The following TNS1 variants were observed in gnomAD, a reference collection of about 807,000 sequenced individuals.
The protein encoded by TNS1 is tensin 1, also known as tensin-1.
TNS1 carries 62 observed loss-of-function variants against 168.6 expected under a neutral mutation model. The observed-to-expected ratio is 0.37, with a 90% CI of 0.30 to 0.45. The LOEUF (loss-of-function observed/expected upper bound fraction) is 0.45. TNS1 is among the 20% of genes least tolerant of loss of function. The pLI, the probability that TNS1 is intolerant of heterozygous loss-of-function variation, is 1.00. For synonymous variants in TNS1, 934 were observed against 933.2 expected, an observed-to-expected ratio of 1.00 and a Z score of -0.02; for missense variants, 2,240 against 2,339.4, an observed-to-expected ratio of 0.96 and a Z score of 0.88.
intron 15 of TNS1, 128 bp downstream of exon 15, chr2:217,885,616 A>T: frequency 1.1e-6 from 1 of 889,618 alleles, no homozygotes; most frequent in Non-Finnish European, 1.8e-6. Flanking sequence ...GAGCCCTGAG[A>T]GCCTATGGTT....
intron 24 of TNS1, 36 bp from the exon 25 acceptor site, chr2:217,815,034 A>G (rs1269453871): frequency 1.9e-6 from 3 of 1,561,866 alleles, no homozygotes; most frequent in African/African-American, 2.7e-5. Flanking sequence ...GTTATGGGTT[A>G]AATTGTGTTC....
chr2:217,878,160 C>T (rs1179119667), intron 18 of TNS1, among the ~76,000 whole-genome samples: 3 of 152,220 alleles, frequency 2.0e-5, no homozygotes, highest in Non-Finnish European at 4.4e-5. Flanking sequence ...TCTTGCTGAA[C>T]GCCTGCCTCA....
chr2:217,967,269 C>A (rs1033358660), intron 3 of TNS1, among the ~76,000 whole-genome samples: 118 of 152,034 alleles, frequency 7.8e-4, no homozygotes, highest in African/African-American at 2.8e-3. Context: ...TGCAGTGAGC[C>A]GAGATCAAGC....
intron 1 of TNS1, among the ~76,000 whole-genome samples, chr2:217,993,837 A>C (rs557428349): frequency 3.9e-5 from 6 of 152,296 alleles, no homozygotes; most frequent in African/African-American, 1.4e-4. Flanking sequence ...AAAGTATTTA[A>C]CGGTGGTGGG....
intron 9 of TNS1, among the ~76,000 whole-genome samples, chr2:217,894,463 G>C (rs1952060925): frequency 6.6e-6 from 1 of 152,120 alleles, no homozygotes; most frequent in Admixed American, 6.5e-5. Context: ...TTGAAACCAG[G>C]CTGGCCAACA....
chr2:217,947,167 C>T (rs1349422376), intron 3 of TNS1, among the ~76,000 whole-genome samples: 1 of 151,938 alleles, frequency 6.6e-6, no homozygotes, highest in East Asian at 1.9e-4. Flanking sequence ...ACCTCCCTCC[C>T]TCCCACCCCA....
At chr2:217,892,263 G>A (rs1436506740) in intron 11 of TNS1, among the ~76,000 whole-genome samples, 1 of 151,996 alleles carries the variant, frequency 6.6e-6, no homozygotes, top group Non-Finnish European at 1.5e-5. Context: ...CACCATGCCT[G>A]GCTAATTTTT....
At chr2:217,842,260 C>T (rs1387302635) in intron 19 of TNS1, 6 of 579,012 alleles carry the variant, frequency 1.0e-5, no homozygotes, top group Non-Finnish European at 1.5e-5. Flanking sequence ...CCAGCCTCTT[C>T]TCCTTAAACT....
chr2:218,028,057 C>T (rs1194284835), intron 1 of TNS1, among the ~76,000 whole-genome samples: 3 of 152,230 alleles, frequency 2.0e-5, no homozygotes, highest in African/African-American at 7.2e-5. Context: ...GCCTGGAGGA[C>T]ACCGCTTTCC....
chr2:217,966,680 C>T (rs542133752), intron 3 of TNS1, among the ~76,000 whole-genome samples: 4 of 152,286 alleles, frequency 2.6e-5, no homozygotes, highest in East Asian at 1.9e-4. Context: ...GCTCACCAAG[C>T]GATGCTGAGG....
chr2:217,892,271 T>G (rs1951819019), intron 11 of TNS1, among the ~76,000 whole-genome samples: 1 of 152,004 alleles, frequency 6.6e-6, no homozygotes, highest in African/African-American at 2.4e-5. Flanking sequence ...CTGGCTAATT[T>G]TTGTATTTTT....
upstream of TNS1, chr2:218,010,494 T>G: frequency 3.6e-6 from 1 of 277,586 alleles, no homozygotes; most frequent in Non-Finnish European, 6.7e-6. Context: ...CTCCGCGGCT[T>G]TCTCCTCCCC....
At chr2:217,891,187 C>G in intron 11 of TNS1, 142 bp from the exon 12 acceptor site, 1 of 728,842 alleles carries the variant, frequency 1.4e-6, no homozygotes, top group Non-Finnish European at 2.3e-6. Flanking sequence ...GCCTCTTCCC[C>G]CTGCCATCCT....
intron 1 of TNS1, among the ~76,000 whole-genome samples, chr2:217,993,950 GCAGA>G (rs1164294445): frequency 6.6e-6 from 1 of 152,224 alleles, no homozygotes; most frequent in African/African-American, 2.4e-5. Flanking sequence ...AAAGAGAGAA[GCAGA>G]CAGAGACGTC....
At chr2:217,977,739 A>G (rs1957931903) in intron 3 of TNS1, among the ~76,000 whole-genome samples, 1 of 152,224 alleles carries the variant, frequency 6.6e-6, no homozygotes, top group Non-Finnish European at 1.5e-5. Context: ...CACCCAGCTA[A>G]TAAGAAGCAA....
rs566630517 is a variant in TNS1 at position 217,806,226 on chromosome 2, C to T, written c.5376-1623G>A. Among the ~76,000 whole-genome samples, 3 of 152,376 alleles carry T rather than the reference C, an allele frequency of 2.0e-5. No homozygotes were observed. The South Asian group carries it at 6.2e-4, about 32-fold the overall frequency. On this transcript the variant is annotated intron_variant, in intron 32 of 32. Transcript: ENST00000682258. ...GTGGCTTCCAGGCTCCCGCAATAGC[C>T]CAGTCCTGTCATCTGCCACAAGGAA...
intron 1 of TNS1, among the ~76,000 whole-genome samples, chr2:217,997,335 T>C (rs1958489548): frequency 6.6e-6 from 1 of 152,168 alleles, no homozygotes; most frequent in African/African-American, 2.4e-5. Flanking sequence ...GCCGGGGCAT[T>C]GTTTTCGTTT....
chr2:217,907,396 G>C (rs1953839612), intron 4 of TNS1, 145 bp from the exon 5 acceptor site: 1 of 634,766 alleles, frequency 1.6e-6, no homozygotes. Context: ...GCATAATCTG[G>C]CTGGCCCCAA....
chr2:217,863,584 A>G (rs1948993974), intron 18 of TNS1, among the ~76,000 whole-genome samples: 1 of 152,104 alleles, frequency 6.6e-6, no homozygotes, highest in Non-Finnish European at 1.5e-5. Context: ...ACTAAGACTC[A>G]AGAGTCTTGG....
Sources: gnomAD v4.1 joint callset for allele counts (sites outside exome capture counted in the v4.1 genomes callset) on GRCh38, gnomAD v4.1.1 for gene constraint, MANE v1.5 for transcripts, NCBI Gene and HGNC (gene_info 2026-07-23, HGNC 2026-07-21) for gene names.